Variants in SLC39A11 observed in about 807,000 individuals in gnomAD.
The protein encoded by SLC39A11 is solute carrier family 39 member 11.
Under a neutral mutation model 36.1 loss-of-function variants are expected in SLC39A11, and 33 were observed. The ratio of observed to expected loss-of-function variants is 0.91; its 90% CI spans 0.69 to 1.22. The LOEUF (loss-of-function observed/expected upper bound fraction) is 1.22, where lower values mean the gene tolerates loss of function less well. Among genes scored for constraint, SLC39A11 ranks in the 50% most tolerant of loss-of-function variants. SLC39A11 has a pLI of 0.00. For synonymous variants in SLC39A11, 166 were observed against 170.3 expected (o/e 0.97, Z 0.20); for missense variants, 432 against 430.3 (o/e 1.00, Z -0.03).
chr17:72,970,151 G>A (rs1040672020), intron 4 of SLC39A11, among the ~76,000 whole-genome samples: 1 of 152,222 alleles, frequency 6.6e-6, no homozygotes, highest in African/African-American at 2.4e-5. Flanking sequence ...TAAGTCTGGA[G>A]AAAAATCATC....
chr17:72,882,628 T>C (rs2081251538), intron 5 of SLC39A11, among the ~76,000 whole-genome samples: 1 of 152,172 alleles, frequency 6.6e-6, no homozygotes, highest in African/African-American at 2.4e-5. Context: ...CCCGCTCTGC[T>C]ACTTTATTCA....
chr17:72,810,440 A>G (rs906833735), intron 6 of SLC39A11, among the ~76,000 whole-genome samples: 3 of 152,246 alleles, frequency 2.0e-5, no homozygotes, highest in Admixed American at 6.5e-5. Context: ...TGCAATGCAC[A>G]CAGACGAACC....
At chr17:73,048,407 T>C (rs1445777882) in intron 3 of SLC39A11, among the ~76,000 whole-genome samples, 1 of 152,200 alleles carries the variant, frequency 6.6e-6, no homozygotes, top group Non-Finnish European at 1.5e-5. Context: ...ATGGTGCACA[T>C]GTACCACATT....
At chr17:73,058,465 G>A (rs2059739494) in intron 3 of SLC39A11, among the ~76,000 whole-genome samples, 1 of 152,184 alleles carries the variant, frequency 6.6e-6, no homozygotes, top group African/African-American at 2.4e-5. Flanking sequence ...GCTGACATAT[G>A]TAACCCCAGC....
At chr17:72,872,157 C>G (rs2146393008) in intron 5 of SLC39A11, among the ~76,000 whole-genome samples, 1 of 152,294 alleles carries the variant, frequency 6.6e-6, no homozygotes, top group South Asian at 2.1e-4. Context: ...CTGGGGAGGG[C>G]AGGTGATTCC....
At chr17:72,740,843 T>C (rs901904022) in intron 6 of SLC39A11, among the ~76,000 whole-genome samples, 3 of 152,114 alleles carry the variant, frequency 2.0e-5, no homozygotes, top group African/African-American at 7.2e-5. Flanking sequence ...GGCGCAATCT[T>C]GGCTCACCGC....
At chr17:73,054,349 G>A in intron 3 of SLC39A11, among the ~76,000 whole-genome samples, 1 of 148,896 alleles carries the variant, frequency 6.7e-6, no homozygotes, top group African/African-American at 2.5e-5. Flanking sequence ...GCTGGACCAA[G>A]ACTCCATCTC....
intron 4 of SLC39A11, among the ~76,000 whole-genome samples, chr17:72,976,576 C>T (rs535897087): frequency 4.6e-5 from 7 of 152,332 alleles, no homozygotes; most frequent in Admixed American, 3.3e-4. Context: ...GTTGGCCGGG[C>T]GCGGTGGCTC....
At chr17:72,669,396 T>G (rs2070895319) in intron 7 of SLC39A11, among the ~76,000 whole-genome samples, 1 of 152,208 alleles carries the variant, frequency 6.6e-6, no homozygotes, top group African/African-American at 2.4e-5. Flanking sequence ...TTTGCAATAA[T>G]GTTTCAGTCT....
chr17:72,941,192 G>C (rs2085078346), intron 5 of SLC39A11, among the ~76,000 whole-genome samples: 1 of 152,206 alleles, frequency 6.6e-6, no homozygotes, highest in Admixed American at 6.5e-5. Context: ...AGGATAGCTT[G>C]AGCCCAGGAG....
intron 4 of SLC39A11, among the ~76,000 whole-genome samples, chr17:72,958,421 C>G (rs1011434568): frequency 6.6e-6 from 1 of 152,214 alleles, no homozygotes; most frequent in Non-Finnish European, 1.5e-5. Flanking sequence ...AGACAACCCA[C>G]AAAGTGGGAG....
At chr17:72,831,541 C>G (rs530900307) in intron 6 of SLC39A11, among the ~76,000 whole-genome samples, 1 of 152,308 alleles carries the variant, frequency 6.6e-6, no homozygotes, top group South Asian at 2.1e-4. Flanking sequence ...CAATCACCTA[C>G]TTGGTGATTT....
At chr17:73,077,226 A>T (rs1181545967) in intron 3 of SLC39A11, among the ~76,000 whole-genome samples, 3 of 152,232 alleles carry the variant, frequency 2.0e-5, no homozygotes, top group Admixed American at 6.5e-5. Context: ...TTGAGTCCCA[A>T]CTGTCTCCCA....
chr17:72,652,510 G>C (rs1341383061), intron 7 of SLC39A11, among the ~76,000 whole-genome samples: 1 of 152,220 alleles, frequency 6.6e-6, no homozygotes, highest in African/African-American at 2.4e-5. Context: ...GCACACGGGA[G>C]CTAGTATGCA....
At chr17:73,003,198 T>C (rs2089917271) in intron 4 of SLC39A11, among the ~76,000 whole-genome samples, 1 of 152,234 alleles carries the variant, frequency 6.6e-6, no homozygotes. Context: ...AAATTTGAAA[T>C]GTTAGTTTGA....
chr17:72,799,667 G>A (rs2077017403), intron 6 of SLC39A11, among the ~76,000 whole-genome samples: 1 of 152,064 alleles, frequency 6.6e-6, no homozygotes, highest in South Asian at 2.1e-4. Context: ...GTACCCTCAG[G>A]CTTACTAGGG....
intron 3 of SLC39A11, chr17:73,068,393 G>T: frequency 2.2e-6 from 1 of 454,784 alleles, no homozygotes; most frequent in Non-Finnish European, 3.9e-6. Flanking sequence ...ATCACCAAAA[G>T]CAGAGAAGCA....
At chr17:72,922,406 A>ATGTTCC (rs1186555424) in intron 5 of SLC39A11, among the ~76,000 whole-genome samples, 2 of 152,238 alleles carry the variant, frequency 1.3e-5, no homozygotes, top group African/African-American at 4.8e-5. Flanking sequence ...CAAAAGGTGC[A>ATGTTCC]TGATTCCTTG....
At chr17:73,039,476 G>A (rs763344206) in intron 3 of SLC39A11, among the ~76,000 whole-genome samples, 10 of 152,194 alleles carry the variant, frequency 6.6e-5, no homozygotes, top group Non-Finnish European at 1.2e-4. Flanking sequence ...TTGCCTAATC[G>A]CATTCTCTGT....
Sources: allele counts gnomAD v4.1 joint callset (sites outside exome capture counted in the v4.1 genomes callset), GRCh38; gene constraint gnomAD v4.1.1; transcripts MANE v1.5; gene names NCBI Gene and HGNC (gene_info 2026-07-23, HGNC 2026-07-21).